Variants in INPP4B observed in about 807,000 individuals in gnomAD.
INPP4B encodes inositol polyphosphate 4-phosphatase type II.
A neutral mutation model predicts 122.5 loss-of-function variants in INPP4B; 55 were observed. That is an observed-to-expected ratio of 0.45 (90% CI 0.36 to 0.56). The LOEUF (loss-of-function observed/expected upper bound fraction) is 0.56, where lower values mean the gene tolerates loss of function less well. Among genes scored for constraint, INPP4B ranks in the 20% least tolerant of loss-of-function variants. INPP4B has a pLI of 0.00. For missense variants in INPP4B, 1,000 were observed against 1,097.7 expected, an observed-to-expected ratio of 0.91 and a Z score of 1.26; for synonymous variants, 403 against 388.7, an observed-to-expected ratio of 1.04 and a Z score of -0.43.
intron 2 of INPP4B, among the ~76,000 whole-genome samples, chr4:142,484,376 A>T (rs1175059312): frequency 6.6e-6 from 1 of 152,094 alleles, no homozygotes. Flanking sequence ...AAATTAAGTC[A>T]TACACAGTTA....
intron 25 of INPP4B, among the ~76,000 whole-genome samples, chr4:142,061,461 T>G (rs1760597058): frequency 6.6e-6 from 1 of 152,164 alleles, no homozygotes; most frequent in African/African-American, 2.4e-5. Context: ...AACAAACATT[T>G]TATTCTGTTA....
At chr4:142,717,262 G>T (rs1206311524) in intron 2 of INPP4B, among the ~76,000 whole-genome samples, 8 of 152,168 alleles carry the variant, frequency 5.3e-5, no homozygotes, top group African/African-American at 4.8e-5. Flanking sequence ...TGACTTGATG[G>T]AATTCATAGT....
chr4:142,705,414 C>T (rs11942593), intron 2 of INPP4B, among the ~76,000 whole-genome samples: 127,595 of 151,470 alleles, frequency 0.84, 53,789 homozygotes, highest in East Asian at 0.85. Flanking sequence ...TTCTGCATAT[C>T]ATCCTTCTCT....
At chr4:142,581,557 CTAT>C (rs1735089852) in intron 2 of INPP4B, among the ~76,000 whole-genome samples, 1 of 18,992 alleles carries the variant, frequency 5.3e-5, no homozygotes, top group Non-Finnish European at 1.3e-4. Flanking sequence ...CCATTTCTAT[CTAT>C]TAGAAATAGA....
At chr4:142,036,067 T>C (rs1743723305) in intron 25 of INPP4B, among the ~76,000 whole-genome samples, 1 of 152,048 alleles carries the variant, frequency 6.6e-6, no homozygotes, top group Admixed American at 6.6e-5. Flanking sequence ...CCCTCTCCCC[T>C]CTAATAGTGT....
intron 2 of INPP4B, among the ~76,000 whole-genome samples, chr4:142,545,503 C>T (rs1042453118): frequency 1.3e-5 from 2 of 151,846 alleles, no homozygotes; most frequent in Admixed American, 6.6e-5. Context: ...AAAGAGAAAA[C>T]GAGGCTAAGT....
chr4:142,028,936 C>CAACT (rs1410668113), intron 25 of INPP4B, 22 bp from the exon 26 acceptor site: 1 of 1,602,392 alleles, frequency 6.2e-7, no homozygotes, highest in Non-Finnish European at 8.5e-7. Flanking sequence ...GGAAAAAGTA[C>CAACT]AACTTCATGA....
chr4:142,118,852 C>T (rs1795132834), intron 21 of INPP4B, among the ~76,000 whole-genome samples: 1 of 152,076 alleles, frequency 6.6e-6, no homozygotes, highest in African/African-American at 2.4e-5. Flanking sequence ...TCAGAGTGAA[C>T]AGGCAACCTA....
chr4:142,278,031 C>T (rs1749453366), intron 9 of INPP4B, among the ~76,000 whole-genome samples: 1 of 151,810 alleles, frequency 6.6e-6, no homozygotes, highest in African/African-American at 2.4e-5. Flanking sequence ...TAACCAAACA[C>T]CATCTGCTCC....
chr4:142,219,771 T>C (rs1043553530), intron 12 of INPP4B, among the ~76,000 whole-genome samples: 4 of 152,144 alleles, frequency 2.6e-5, no homozygotes, highest in Non-Finnish European at 5.9e-5. Flanking sequence ...TCCAGTTTCG[T>C]AGGTAGAAGG....
chr4:142,405,985 C>T (rs745426192), intron 5 of INPP4B, among the ~76,000 whole-genome samples: 6 of 152,102 alleles, frequency 3.9e-5, no homozygotes, highest in South Asian at 2.1e-4. Flanking sequence ...AGACACCAGG[C>T]TCATATTACA....
At chr4:142,537,398 CAG>C (rs1334381759) in intron 2 of INPP4B, among the ~76,000 whole-genome samples, 1 of 54,554 alleles carries the variant, frequency 1.8e-5, no homozygotes, top group Non-Finnish European at 4.4e-5. Context: ...ATTTTACATA[CAG>C]TATATATATA....
At chr4:142,168,419 G>C (rs988740878) in intron 16 of INPP4B, among the ~76,000 whole-genome samples, 1 of 151,396 alleles carries the variant, frequency 6.6e-6, no homozygotes, top group African/African-American at 2.4e-5. Context: ...AGATTTTATT[G>C]CATTCCTTTA....
At chr4:142,620,880 G>GT (rs1424551724) in intron 2 of INPP4B, among the ~76,000 whole-genome samples, 1 of 151,702 alleles carries the variant, frequency 6.6e-6, no homozygotes, top group African/African-American at 2.4e-5. Flanking sequence ...CATTCGGGGA[G>GT]TTTTTTAGAT....
intron 25 of INPP4B, 114 bp from the exon 26 acceptor site, chr4:142,029,028 T>C (rs1031930247): frequency 1.0e-5 from 15 of 1,436,504 alleles, no homozygotes; most frequent in African/African-American, 1.4e-5. Context: ...AAGATTCAAC[T>C]CTACATTTTT....
intron 2 of INPP4B, among the ~76,000 whole-genome samples, chr4:142,496,418 T>C (rs1822574558): frequency 6.6e-6 from 1 of 152,198 alleles, no homozygotes; most frequent in African/African-American, 2.4e-5. Flanking sequence ...AATACATGTT[T>C]ATTAAATGTA....
chr4:142,802,165 C>T (rs1778084345), intron 1 of INPP4B, among the ~76,000 whole-genome samples: 1 of 152,112 alleles, frequency 6.6e-6, no homozygotes, highest in African/African-American at 2.4e-5. Flanking sequence ...CACTCCACCA[C>T]ATCTCTTCCT....
intron 15 of INPP4B, among the ~76,000 whole-genome samples, chr4:142,177,935 T>C (rs1829077907): frequency 6.6e-6 from 1 of 152,202 alleles, no homozygotes; most frequent in Non-Finnish European, 1.5e-5. Flanking sequence ...AAGACTCAGC[T>C]CTTGGAACTC....
chr4:142,637,391 TTTA>T (rs1419032230), intron 2 of INPP4B, among the ~76,000 whole-genome samples: 1 of 152,222 alleles, frequency 6.6e-6, no homozygotes, highest in Non-Finnish European at 1.5e-5. Context: ...TCACTCATTT[TTTA>T]TTATCTCCAT....
Sources: allele counts gnomAD v4.1 joint callset (sites outside exome capture counted in the v4.1 genomes callset), GRCh38; gene constraint gnomAD v4.1.1; transcripts MANE v1.5; gene names NCBI Gene and HGNC (gene_info 2026-07-23, HGNC 2026-07-21).